Variants in SH3BGRL2 observed in about 807,000 individuals in gnomAD.
SH3BGRL2 encodes the protein SH3 domain binding glutamate rich protein like 2.
SH3BGRL2 carries 21 observed loss-of-function variants against 14.8 expected under a neutral mutation model. The ratio of observed to expected loss-of-function variants is 1.42; its 90% CI spans 1.01 to 2.05. SH3BGRL2 has a LOEUF of 2.05. SH3BGRL2 is among the 30% of genes most tolerant of loss of function. The pLI is 0.00. For missense variants in SH3BGRL2, 147 were observed against 130.8 expected (o/e 1.12, Z -0.61); for synonymous variants, 50 against 47.8 (o/e 1.05, Z -0.19).
the SH3BGRL2 span, among the ~76,000 whole-genome samples, chr6:79,580,706 G>A: frequency 9.2e-5 from 14 of 152,166 alleles, no homozygotes; most frequent in South Asian, 4.2e-4. Flanking sequence ...ATCTAAAATC[G>A]ACACACTAAC....
At chr6:79,583,445 T>C in the SH3BGRL2 span, among the ~76,000 whole-genome samples, 2 of 152,122 alleles carry the variant, frequency 1.3e-5, no homozygotes, top group South Asian at 2.1e-4. Context: ...TGGAATACTA[T>C]GCAGCCATAA....
chr6:79,655,313 C>T (rs1036330559), intron 1 of SH3BGRL2, among the ~76,000 whole-genome samples: 8 of 151,916 alleles, frequency 5.3e-5, no homozygotes, highest in East Asian at 1.9e-4. Flanking sequence ...ACCATGGGTA[C>T]GATTGAGCAG....
chr6:79,554,609 A>G, the SH3BGRL2 span, among the ~76,000 whole-genome samples: 9 of 152,326 alleles, frequency 5.9e-5, 1 homozygote, highest in Admixed American at 5.9e-4. Context: ...ATAAAATTCA[A>G]TAGCTTTCAT....
At chr6:79,654,456 G>A (rs555201310) in intron 1 of SH3BGRL2, among the ~76,000 whole-genome samples, 1 of 152,286 alleles carries the variant, frequency 6.6e-6, no homozygotes, top group South Asian at 2.1e-4. Context: ...TTTAGTCCCT[G>A]TTCTGTTTTC....
chr6:79,620,795 G>A, the SH3BGRL2 span, among the ~76,000 whole-genome samples: 1 of 152,186 alleles, frequency 6.6e-6, no homozygotes, highest in Non-Finnish European at 1.5e-5. Context: ...ACACAAGTCT[G>A]ATGGAAAGAA....
At position 79,699,845 on chromosome 6, in the gene SH3BGRL2, G is replaced by A. The variant is rs1770417992; in HGVS notation, c.*336G>A. 3.1e-6 allele frequency: 1 copy of A among 317,608 alleles called. No homozygotes were observed. Among genetic ancestry groups the A allele is most frequent in the Admixed American group, 4.9e-5 (1 of 20,572 alleles). 19.7% of individuals were successfully genotyped at this position (317,608 alleles called of 1,614,324 possible). A position where few individuals can be genotyped will look rare whatever the true frequency, so the allele number is the denominator to read the frequency against. On this transcript the variant is annotated 3_prime_UTR_variant, in exon 4 of 4. Transcript: ENST00000369838. ...AGAGAAAATGTTGGATCTGCCCTAGGTTATAGTAGATGCCGGAATTGCGTA... is the reference window on the plus strand; with the variant it reads ...AGAGAAAATGTTGGATCTGCCCTAGATTATAGTAGATGCCGGAATTGCGTA...
chr6:79,606,276 A>G, the SH3BGRL2 span, among the ~76,000 whole-genome samples: 1 of 152,168 alleles, frequency 6.6e-6, no homozygotes, highest in Non-Finnish European at 1.5e-5. Context: ...TGAGATTTTT[A>G]GGTTTGGGGT....
At chr6:79,632,812 A>G (rs1203303772) in intron 1 of SH3BGRL2, among the ~76,000 whole-genome samples, 2 of 152,182 alleles carry the variant, frequency 1.3e-5, no homozygotes, top group Non-Finnish European at 2.9e-5. Flanking sequence ...CTGAAGCCAC[A>G]CTTCATGTGT....
the SH3BGRL2 span, among the ~76,000 whole-genome samples, chr6:79,615,427 A>T: frequency 6.6e-6 from 1 of 152,184 alleles, no homozygotes; most frequent in Non-Finnish European, 1.5e-5. Flanking sequence ...CCATAGCCTG[A>T]TGCACCTTAC....
chr6:79,659,370 C>T (rs1327117827), intron 1 of SH3BGRL2, among the ~76,000 whole-genome samples: 1 of 152,142 alleles, frequency 6.6e-6, no homozygotes, highest in Non-Finnish European at 1.5e-5. Context: ...AGCCAGTTTT[C>T]CCAGCACCAT....
At chr6:79,629,876 A>G (rs996486759), upstream of SH3BGRL2, among the ~76,000 whole-genome samples, 4 of 152,188 alleles carry the variant, frequency 2.6e-5, no homozygotes, top group Non-Finnish European at 5.9e-5. Context: ...CTGAGTTCCA[A>G]TTATTTGAGT....
chr6:79,654,736 C>T (rs1263025346), intron 1 of SH3BGRL2, among the ~76,000 whole-genome samples: 1 of 152,174 alleles, frequency 6.6e-6, no homozygotes, highest in African/African-American at 2.4e-5. Context: ...ACTTGATGCA[C>T]ACCTGGACAA....
the SH3BGRL2 span, among the ~76,000 whole-genome samples, chr6:79,577,870 A>G: frequency 3.4e-3 from 516 of 152,340 alleles, 4 homozygotes; most frequent in African/African-American, 0.012. Context: ...TTTCCTAGCC[A>G]AGGGAAGCTG....
At chr6:79,634,234 A>C (rs1768881006) in intron 1 of SH3BGRL2, among the ~76,000 whole-genome samples, 1 of 152,224 alleles carries the variant, frequency 6.6e-6, no homozygotes, top group Admixed American at 6.5e-5. Flanking sequence ...AGTTGGAATA[A>C]CTAACACCAA....
intron 3 of SH3BGRL2, among the ~76,000 whole-genome samples, chr6:79,697,679 T>C (rs1313791681): frequency 1.3e-5 from 2 of 152,210 alleles, no homozygotes; most frequent in Non-Finnish European, 2.9e-5. Context: ...ACGCATGCCG[T>C]ATTTAAAGGT....
chr6:79,678,805 G>A (rs1582733982), intron 2 of SH3BGRL2, among the ~76,000 whole-genome samples: 1 of 152,056 alleles, frequency 6.6e-6, no homozygotes, highest in Non-Finnish European at 1.5e-5. Context: ...AGTGTCAATT[G>A]TTTGCATTTT....
chr6:79,594,989 A>G, the SH3BGRL2 span, among the ~76,000 whole-genome samples: 3 of 152,224 alleles, frequency 2.0e-5, no homozygotes, highest in African/African-American at 7.2e-5. Context: ...ACTGAGGTTA[A>G]GAATCTGCTG....
the SH3BGRL2 span, among the ~76,000 whole-genome samples, chr6:79,553,991 GAGAA>G: frequency 2.0e-5 from 3 of 150,842 alleles, no homozygotes; most frequent in African/African-American, 7.3e-5. Context: ...GAAAAGAAAA[GAGAA>G]AGAAAATTAT....
the SH3BGRL2 span, among the ~76,000 whole-genome samples, chr6:79,605,921 C>G: frequency 2.6e-5 from 4 of 152,126 alleles, no homozygotes; most frequent in Non-Finnish European, 5.9e-5. Flanking sequence ...TTACTTTGCT[C>G]ATTTCTTTCT....
Sources: allele counts gnomAD v4.1 joint callset (sites outside exome capture counted in the v4.1 genomes callset), GRCh38; gene constraint gnomAD v4.1.1; transcripts MANE v1.5; gene names NCBI Gene and HGNC (gene_info 2026-07-23, HGNC 2026-07-21).